ARHGEF28: variants seen among roughly 807,000 people sequenced by gnomAD.
ARHGEF28 encodes Rho guanine nucleotide exchange factor 28.
A neutral mutation model predicts 206.6 loss-of-function variants in ARHGEF28; 152 were observed. The observed-to-expected ratio is 0.74, with a 90% confidence interval of 0.64 to 0.84. ARHGEF28 has a LOEUF of 0.84. Among genes scored for constraint, ARHGEF28 ranks in the 40% least tolerant of loss-of-function variants. The probability of loss-of-function intolerance (pLI) is 0.00; values close to 1 mark genes in which losing one functional copy is unlikely to be tolerated. For missense variants in ARHGEF28, 2,028 were observed against 2,073.2 expected (o/e 0.98, Z 0.42); for synonymous variants, 763 against 776.4 (o/e 0.98, Z 0.29).
intron 35 of ARHGEF28, among the ~76,000 whole-genome samples, chr5:73,939,935 T>C (rs1742494699): frequency 6.6e-6 from 1 of 152,198 alleles, no homozygotes; most frequent in Admixed American, 6.5e-5. Flanking sequence ...TAGGTGTATG[T>C]GGCCTCTTCT....
intron 9 of ARHGEF28, among the ~76,000 whole-genome samples, chr5:73,830,231 G>A (rs1186235130): frequency 6.6e-6 from 1 of 152,130 alleles, no homozygotes; most frequent in African/African-American, 2.4e-5. Flanking sequence ...GATTTTCAGA[G>A]CTTTCTGGAT....
intron 34 of ARHGEF28, among the ~76,000 whole-genome samples, chr5:73,910,381 C>CAAAA (rs60086897): frequency 0.093 from 2,855 of 30,792 alleles, 262 homozygotes; most frequent in East Asian, 0.28. Flanking sequence ...AACACCATCT[C>CAAAA]AAAAAAAAAA....
At chr5:73,704,749 G>A (rs1487286239) in intron 2 of ARHGEF28, among the ~76,000 whole-genome samples, 1 of 152,108 alleles carries the variant, frequency 6.6e-6, no homozygotes, top group Non-Finnish European at 1.5e-5. Flanking sequence ...TTTAAATAAA[G>A]GCAGGAAAAC....
chr5:73,787,217 C>T (rs1006977319), intron 7 of ARHGEF28, among the ~76,000 whole-genome samples: 14 of 152,148 alleles, frequency 9.2e-5, no homozygotes, highest in African/African-American at 3.4e-4. Flanking sequence ...CTAGGCAGGC[C>T]GTTCTGCAGA....
At chr5:73,658,987 A>ACACACACACACG (rs1745411917) in intron 1 of ARHGEF28, among the ~76,000 whole-genome samples, 3 of 150,244 alleles carry the variant, frequency 2.0e-5, no homozygotes, top group African/African-American at 4.9e-5. Context: ...ACACACACAC[A>ACACACACACACG]CACACACACA....
intron 29 of ARHGEF28, among the ~76,000 whole-genome samples, chr5:73,895,868 G>T (rs932965062): frequency 6.6e-6 from 1 of 152,078 alleles, no homozygotes; most frequent in African/African-American, 2.4e-5. Context: ...TATTAGCTCT[G>T]GAAGAGAATT....
At position 73,741,337 on chromosome 5, in the gene ARHGEF28, TTA is replaced by T. The variant is rs1374017142; in HGVS notation, c.34-8496_34-8495del. On this transcript the variant is annotated intron_variant, in intron 2 of 35. Transcript: ENST00000513042. ...GGTGAAAGTCGTCTAGATTTTAAAT[TTA>T]TATGTGTGTGTGTGTGTGTGTGTGT... 2.3e-3 allele frequency among the ~76,000 whole-genome samples: 267 copies of T among 118,570 alleles called. 6 individuals carry two copies. Among genetic ancestry groups the T allele is most frequent in the African/African-American group, 7.8e-3 (221 of 28,224 alleles). The allele number at this position is 118,570 out of a possible 152,430, so 77.8% of individuals were successfully genotyped here. A position where few individuals can be genotyped will look rare whatever the true frequency, so the allele number is the denominator to read the frequency against.
intron 2 of ARHGEF28, among the ~76,000 whole-genome samples, chr5:73,701,068 G>A (rs796869414): frequency 5.9e-5 from 9 of 152,126 alleles, no homozygotes; most frequent in African/African-American, 1.9e-4. Context: ...ATTAATAAAG[G>A]TATTTTAGAA....
At position 73,901,086 on chromosome 5, in the gene ARHGEF28, A is replaced by G. The variant is rs561429608; in HGVS notation, c.3974-98A>G. On this transcript the variant is annotated intron_variant, in intron 30 of 35. Coordinates refer to ENST00000513042, the MANE Select transcript of ARHGEF28 (RefSeq NM_001177693.2). Reference sequence around the variant, plus strand: ...TATGTATTATTTTGTGGTGTTTCCTATTTTGAAATATGTGTTGGCCGTGTA... The same window carrying G: ...TATGTATTATTTTGTGGTGTTTCCTGTTTTGAAATATGTGTTGGCCGTGTA... 137 of 895,078 alleles carry G rather than the reference A, an allele frequency of 1.5e-4. 3 individuals are homozygous for G. The South Asian group carries it at 1.8e-3, about 12-fold the overall frequency. The allele number at this position is 895,078 out of a possible 1,614,324, so 55.4% of individuals were successfully genotyped here.
intron 16 of ARHGEF28, among the ~76,000 whole-genome samples, chr5:73,860,608 T>C (rs890157860): frequency 6.6e-6 from 1 of 152,186 alleles, no homozygotes; most frequent in African/African-American, 2.4e-5. Context: ...CTGTTGCCAC[T>C]CTGGGAGATT....
chr5:73,838,257 A>G (rs1223657820), intron 10 of ARHGEF28, among the ~76,000 whole-genome samples: 1 of 58,214 alleles, frequency 1.7e-5, no homozygotes, highest in Non-Finnish European at 3.2e-5. Flanking sequence ...TTAGCATAGT[A>G]CTTTTTTTTT....
intron 14 of ARHGEF28, among the ~76,000 whole-genome samples, chr5:73,854,602 G>A (rs554166137): frequency 1.3e-5 from 2 of 152,152 alleles, no homozygotes; most frequent in Non-Finnish European, 2.9e-5. Context: ...AGGCAGAGGC[G>A]GGCGGATCAT....
At chr5:73,765,470 G>C (rs1752842947) in intron 4 of ARHGEF28, among the ~76,000 whole-genome samples, 1 of 152,190 alleles carries the variant, frequency 6.6e-6, no homozygotes. Flanking sequence ...ACTCCACAGT[G>C]CATTGTGTGG....
chr5:73,704,890 T>C (rs1748843635), intron 2 of ARHGEF28, among the ~76,000 whole-genome samples: 1 of 152,164 alleles, frequency 6.6e-6, no homozygotes, highest in Non-Finnish European at 1.5e-5. Context: ...CCCATAATAG[T>C]CAGGGCACTT....
chr5:73,728,652 G>A (rs553562405), intron 2 of ARHGEF28, among the ~76,000 whole-genome samples: 2 of 152,256 alleles, frequency 1.3e-5, no homozygotes, highest in South Asian at 2.1e-4. Context: ...CTAAATACAC[G>A]GTACTGAATG....
intron 9 of ARHGEF28, among the ~76,000 whole-genome samples, chr5:73,808,432 C>T (rs1312963693): frequency 2.6e-5 from 4 of 152,130 alleles, no homozygotes; most frequent in African/African-American, 9.7e-5. Context: ...TTATAAAGAT[C>T]TTCATTTTCT....
chr5:73,658,059 C>T lies in ARHGEF28; in HGVS notation c.-11-26782C>T, dbSNP rs188496775. On this transcript the variant is annotated intron_variant, in intron 1 of 35. Transcript: ENST00000513042. ...ACTATGCATTTAAGTAATTCTGAAACAGAGTCCATCCAATGCTTCAAGCAA... is the reference window on the plus strand; with the variant it reads ...ACTATGCATTTAAGTAATTCTGAAATAGAGTCCATCCAATGCTTCAAGCAA... Among the ~76,000 whole-genome samples, 58 of 152,022 alleles carry T rather than the reference C, an allele frequency of 3.8e-4. 2 individuals are homozygous for T. The highest frequency in any genetic ancestry group is 3.1e-3 in the South Asian group (15 of 4,814).
chr5:73,710,677 C>T (rs896932322), intron 2 of ARHGEF28, among the ~76,000 whole-genome samples: 14 of 152,150 alleles, frequency 9.2e-5, no homozygotes, highest in African/African-American at 3.4e-4. Flanking sequence ...TGTGGTCTTA[C>T]ATTTTACATT....
chr5:73,631,788 T>C (rs1006067309), intron 1 of ARHGEF28, among the ~76,000 whole-genome samples: 4 of 132,918 alleles, frequency 3.0e-5, no homozygotes, highest in Non-Finnish European at 6.2e-5. Flanking sequence ...TTCTGACTTC[T>C]TTGACTTTTT....
Sources: allele counts gnomAD v4.1 joint callset (sites outside exome capture counted in the v4.1 genomes callset), GRCh38; gene constraint gnomAD v4.1.1; transcripts MANE v1.5; gene names NCBI Gene and HGNC (gene_info 2026-07-23, HGNC 2026-07-21).